Variants in PARD3B observed in about 807,000 individuals in gnomAD.
PARD3B encodes the protein par-3 family cell polarity regulator beta, also known as partitioning defective 3 homolog B.
PARD3B carries 103 observed loss-of-function variants against 130.2 expected under a neutral mutation model. That is an observed-to-expected ratio of 0.79 (90% CI 0.67 to 0.93). The LOEUF is 0.93. PARD3B is among the 40% of genes least tolerant of loss of function. The pLI, the probability that PARD3B is intolerant of heterozygous loss-of-function variation, is 0.00. For missense variants in PARD3B, 1,609 were observed against 1,499.2 expected, an observed-to-expected ratio of 1.07 and a Z score of -1.21; for synonymous variants, 583 against 553.2, an observed-to-expected ratio of 1.05 and a Z score of -0.76.
At chr2:204,703,034 A>C (rs1256879259) in intron 2 of PARD3B, among the ~76,000 whole-genome samples, 1 of 152,220 alleles carries the variant, frequency 6.6e-6, no homozygotes, top group East Asian at 1.9e-4. Context: ...TTTTAGGCAT[A>C]GTGCTAAAAA....
chr2:205,313,938 T>G (rs567789220), intron 18 of PARD3B, among the ~76,000 whole-genome samples: 1 of 152,318 alleles, frequency 6.6e-6, no homozygotes, highest in East Asian at 1.9e-4. Flanking sequence ...TGCAAAATAT[T>G]TCCTAATGGA....
chr2:204,849,400 A>G (rs1367005241), intron 2 of PARD3B, among the ~76,000 whole-genome samples: 1 of 152,226 alleles, frequency 6.6e-6, no homozygotes, highest in East Asian at 1.9e-4. Context: ...CTGTTTCAAT[A>G]TATGACTAGG....
intron 4 of PARD3B, among the ~76,000 whole-genome samples, chr2:205,061,162 G>T (rs1700043056): frequency 6.6e-6 from 1 of 152,148 alleles, no homozygotes; most frequent in Non-Finnish European, 1.5e-5. Flanking sequence ...GATATAGGTA[G>T]AATAAAGGAA....
chr2:205,188,790 A>G (rs1451836130), intron 14 of PARD3B, among the ~76,000 whole-genome samples: 2 of 149,490 alleles, frequency 1.3e-5, no homozygotes, highest in East Asian at 1.9e-4. Flanking sequence ...TTTCAAAAAA[A>G]AAAAAAAAAA....
At chr2:205,451,744 G>T (rs1275953723) in intron 20 of PARD3B, among the ~76,000 whole-genome samples, 1 of 150,502 alleles carries the variant, frequency 6.6e-6, no homozygotes, top group Non-Finnish European at 1.5e-5. Context: ...TTTGATACAG[G>T]CATACAATGC....
Position 205,562,691 on chromosome 2 carries a change from TC to T in PARD3B, c.3260+9289del, listed in dbSNP as rs2053180432. ...AGAGTATTGCTCTATATCTCATTTC[TC>T]ATAATCTTTGGTAGTTCTTGATGTT... On this transcript the variant is annotated intron_variant, in intron 22 of 22. Transcript: ENST00000406610. This position sits in a 1 kb window ranked among gnomAD's most constrained non-coding sequence, Gnocchi z 5.4. Among the ~76,000 whole-genome samples the T allele has an allele frequency of 2.0e-5, 3 of 152,368 alleles. No individual in the cohort carries two copies. In the South Asian group the frequency reaches 6.2e-4, roughly 32 times the overall value.
At chr2:204,875,347 C>T (rs183610597) in intron 2 of PARD3B, among the ~76,000 whole-genome samples, 147 of 152,288 alleles carry the variant, frequency 9.7e-4, no homozygotes, top group Middle Eastern at 3.4e-3. Flanking sequence ...TATCTGTACA[C>T]CTTAAGCATA....
At chr2:204,787,278 GT>G in intron 2 of PARD3B, among the ~76,000 whole-genome samples, 1 of 151,986 alleles carries the variant, frequency 6.6e-6, no homozygotes, top group Non-Finnish European at 1.5e-5. Flanking sequence ...CTGTTTCATG[GT>G]TTATCCTACC....
rs972427797 is a variant in PARD3B, at chr2:205,281,709, C to T, written c.2186-18821C>T. On this transcript the variant is annotated intron_variant, in intron 16 of 22. Transcript: ENST00000406610. This position sits in a 1 kb window ranked among gnomAD's most constrained non-coding sequence, Gnocchi z 4.2. The stretch of plus-strand genomic sequence containing the variant: ...CGGAAGGCAGGCAACTGTTTTGTAT[C>T]AATCAGCAAATCAAAGCCATTTCAT... 6.6e-6 allele frequency among the ~76,000 whole-genome samples: 1 copy of T among 152,184 alleles called. No individual in the cohort carries two copies. Among genetic ancestry groups the T allele is most frequent in the African/African-American group, 2.4e-5 (1 of 41,446 alleles).
intron 2 of PARD3B, among the ~76,000 whole-genome samples, chr2:204,927,043 G>A (rs920652268): frequency 6.6e-6 from 1 of 152,056 alleles, no homozygotes; most frequent in African/African-American, 2.4e-5. Flanking sequence ...GAAATCCAAA[G>A]ATGGGATTAG....
At chr2:205,469,236 G>A (rs2048741321) in intron 20 of PARD3B, among the ~76,000 whole-genome samples, 1 of 152,144 alleles carries the variant, frequency 6.6e-6, no homozygotes, top group Non-Finnish European at 1.5e-5. Context: ...TCTACCCTTA[G>A]CTACATGACT....
chr2:205,385,688 T>C (rs1269363104), intron 18 of PARD3B, among the ~76,000 whole-genome samples: 1 of 152,162 alleles, frequency 6.6e-6, no homozygotes, highest in East Asian at 1.9e-4. Context: ...ATGCTGTCTG[T>C]GTCATTTCTG....
chr2:205,114,337 G>A (rs972817999), intron 6 of PARD3B, among the ~76,000 whole-genome samples: 1 of 152,064 alleles, frequency 6.6e-6, no homozygotes, highest in Non-Finnish European at 1.5e-5. Flanking sequence ...ATGTCACTTT[G>A]TAATAAGACG....
At chr2:204,572,318 A>G (rs901054214) in intron 1 of PARD3B, among the ~76,000 whole-genome samples, 1 of 152,072 alleles carries the variant, frequency 6.6e-6, no homozygotes, top group African/African-American at 2.4e-5. Context: ...GAGGAGGAAA[A>G]GGAGGGGAGG....
chr2:205,184,761 A>AAT lies in PARD3B; in HGVS notation c.1925-997_1925-996dup, dbSNP rs751021334. On this transcript the variant is annotated intron_variant, in intron 13 of 22. Transcript: ENST00000406610. The stretch of plus-strand genomic sequence containing the variant: ...CATCTCAAAAATAATAATAATAATA[A>AAT]ATATATACACACACACACACATATA... Among the ~76,000 whole-genome samples, 713 of 151,084 alleles carry AAT rather than the reference A, an allele frequency of 4.7e-3. 6 individuals are homozygous for AAT. Among genetic ancestry groups the AAT allele is most frequent in the Non-Finnish European group, 7.9e-3 (539 of 67,870 alleles).
intron 2 of PARD3B, among the ~76,000 whole-genome samples, chr2:204,953,985 CAGTG>C (rs1253785131): frequency 6.6e-6 from 1 of 152,102 alleles, no homozygotes. Context: ...CCACTTATGA[CAGTG>C]AGGAGGGAGC....
chr2:205,590,969 A>T lies in PARD3B; in HGVS notation c.3261-24487A>T, dbSNP rs183575209. On this transcript the variant is annotated intron_variant, in intron 22 of 22. Coordinates refer to ENST00000406610, the MANE Select transcript of PARD3B (RefSeq NM_001302769.2). This position sits in a 1 kb window ranked among gnomAD's most constrained non-coding sequence, Gnocchi z 4.1. ...GAAAAAGACAAGAGAGACAAGAATT[A>T]TGTCTGTTTTGAGACCAGGATGGTC... Among the ~76,000 whole-genome samples the T allele has an allele frequency of 2.0e-5, 3 of 152,244 alleles. No homozygotes were observed. Among genetic ancestry groups the T allele is most frequent in the Admixed American group, 6.5e-5 (1 of 15,300 alleles).
chr2:204,918,857 C>T (rs2047554407), intron 2 of PARD3B, among the ~76,000 whole-genome samples: 1 of 150,096 alleles, frequency 6.7e-6, no homozygotes, highest in Non-Finnish European at 1.5e-5. Context: ...CTTGATAGTT[C>T]GTCTGTGTTT....
chr2:205,607,575 A>G (rs1033236758), intron 22 of PARD3B, among the ~76,000 whole-genome samples: 1 of 152,158 alleles, frequency 6.6e-6, no homozygotes, highest in African/African-American at 2.4e-5. Context: ...AATCCGTCAA[A>G]TGGAGGAAAC....
Sources: allele counts gnomAD v4.1 joint callset (sites outside exome capture counted in the v4.1 genomes callset), GRCh38; gene constraint gnomAD v4.1.1; non-coding constraint Gnocchi (gnomAD v3.1); transcripts MANE v1.5; gene names NCBI Gene and HGNC (gene_info 2026-07-23, HGNC 2026-07-21).